MAST2: variants seen among roughly 807,000 people sequenced by gnomAD.
The protein encoded by MAST2 is microtubule associated serine/threonine kinase 2.
MAST2 carries 70 observed loss-of-function variants against 147.4 expected under a neutral mutation model. That is an observed-to-expected ratio of 0.47 (90% CI 0.39 to 0.58). The LOEUF (loss-of-function observed/expected upper bound fraction) is 0.58, where lower values mean the gene tolerates loss of function less well. MAST2 is among the 20% of genes least tolerant of loss of function. MAST2 has a pLI of 0.00. For missense variants in MAST2, 2,080 were observed against 2,302.3 expected, an observed-to-expected ratio of 0.90 and a Z score of 1.98; for synonymous variants, 869 against 896.8, an observed-to-expected ratio of 0.97 and a Z score of 0.55.
At chr1:45,886,705 G>C (rs573901050) in intron 4 of MAST2, among the ~76,000 whole-genome samples, 4 of 152,134 alleles carry the variant, frequency 2.6e-5, no homozygotes, top group African/African-American at 7.2e-5. Flanking sequence ...AGGCTAGAAG[G>C]GTTTTATATT....
At chr1:45,986,150 G>A (rs1025688508) in intron 5 of MAST2, among the ~76,000 whole-genome samples, 5 of 152,138 alleles carry the variant, frequency 3.3e-5, no homozygotes, top group Non-Finnish European at 7.3e-5. Flanking sequence ...ATTAACTGTG[G>A]TGTTAGCTCT....
intron 5 of MAST2, among the ~76,000 whole-genome samples, chr1:45,992,036 C>T (rs1251683734): frequency 2.0e-5 from 3 of 152,116 alleles, no homozygotes; most frequent in Non-Finnish European, 4.4e-5. Context: ...GTCGTCTTTT[C>T]TTGCCTTATT....
chr1:45,940,184 G>C (rs937234832), intron 4 of MAST2, among the ~76,000 whole-genome samples: 5 of 150,626 alleles, frequency 3.3e-5, no homozygotes, highest in African/African-American at 1.2e-4. Flanking sequence ...GTAGACATGG[G>C]GTTTTGCCGT....
At chr1:45,869,983 G>A (rs1203204523) in intron 3 of MAST2, among the ~76,000 whole-genome samples, 2 of 152,114 alleles carry the variant, frequency 1.3e-5, no homozygotes, top group African/African-American at 4.8e-5. Context: ...GAGTGCAATG[G>A]TGCAATCTTG....
intron 3 of MAST2, among the ~76,000 whole-genome samples, chr1:45,851,335 T>G (rs1034264434): frequency 8.5e-5 from 13 of 152,220 alleles, no homozygotes; most frequent in African/African-American, 3.1e-4. Flanking sequence ...ATCTTAAAAC[T>G]GGGAAGCCAT....
intron 3 of MAST2, among the ~76,000 whole-genome samples, chr1:45,861,378 C>T (rs1379121698): frequency 6.6e-6 from 1 of 151,904 alleles, no homozygotes; most frequent in East Asian, 1.9e-4. Flanking sequence ...ACTTTTTGTT[C>T]AGCGTATTTT....
rs748477750 is a variant in MAST2 at position 46,027,844 on chromosome 1, G to A, written c.2033G>A (p.Arg678Gln). The A allele has an allele frequency of 9.4e-5, 152 of 1,613,946 alleles. No individual in the cohort carries two copies. Among genetic ancestry groups the A allele is most frequent in the Middle Eastern group, 1.6e-4 (1 of 6,082 alleles). Residue 678 changes from arginine to glutamine, a missense_variant, in exon 17 of 29, where the codon CGG becomes CAG. Physicochemically the swap from Arg to Gln is conservative, Grantham distance 43. Coordinates refer to ENST00000361297, the MANE Select transcript of MAST2 (RefSeq NM_015112.3). Reference protein sequence around the residue: ...LYEGHIEKDAREFLDKQVCGT... With the variant: ...LYEGHIEKDAQEFLDKQVCGT... Reference sequence around the variant, plus strand: ...GAGGGTCATATTGAAAAGGATGCCCGGGAATTCCTGGACAAGCAGGTAAGG... The same window carrying A: ...GAGGGTCATATTGAAAAGGATGCCCAGGAATTCCTGGACAAGCAGGTAAGG...
chr1:45,990,629 C>T (rs574081125), intron 5 of MAST2, among the ~76,000 whole-genome samples: 12 of 152,068 alleles, frequency 7.9e-5, no homozygotes, highest in East Asian at 1.9e-4. Flanking sequence ...AGACCAGGTG[C>T]GTTAGGCTGC....
intron 2 of MAST2, among the ~76,000 whole-genome samples, chr1:45,829,036 A>G (rs1312691776): frequency 1.3e-5 from 2 of 152,266 alleles, no homozygotes; most frequent in African/African-American, 4.8e-5. Context: ...AACTGAGCAC[A>G]TGGAGTCTAG....
intron 1 of MAST2, 24 bp downstream of exon 1, chr1:45,804,096 G>A (rs1644067277): frequency 1.6e-6 from 2 of 1,276,550 alleles, no homozygotes; most frequent in Non-Finnish European, 2.0e-6. Context: ...GGATCCGGGA[G>A]GGTGAACCTG....
intron 3 of MAST2, among the ~76,000 whole-genome samples, chr1:45,835,951 A>G (rs1490245084): frequency 6.6e-6 from 1 of 152,020 alleles, no homozygotes; most frequent in Non-Finnish European, 1.5e-5. Context: ...TTCCTTTTTT[A>G]TGGCTGAATA....
Position 46,007,986 on chromosome 1 carries a change from A to T in MAST2, c.903-310A>T, listed in dbSNP as rs575273139. Among the ~76,000 whole-genome samples, 5 of 152,274 alleles carry T rather than the reference A, an allele frequency of 3.3e-5. No individual in the cohort carries two copies. In the East Asian group the frequency reaches 7.7e-4, roughly 23 times the overall value. ...GACCAAAACTAAGAAGACACAGAGA[A>T]TCCTACTCCAGGGGAGTTTATCCTG... On this transcript the variant is annotated intron_variant, in intron 8 of 28. Coordinates refer to ENST00000361297, the MANE Select transcript of MAST2 (RefSeq NM_015112.3).
At chr1:45,939,688 C>T (rs1233106810) in intron 4 of MAST2, among the ~76,000 whole-genome samples, 2 of 152,000 alleles carry the variant, frequency 1.3e-5, no homozygotes, top group African/African-American at 2.4e-5. Flanking sequence ...TACAGGCATG[C>T]ACCACCACAC....
At chr1:45,946,261 CA>C (rs1366806773) in intron 4 of MAST2, among the ~76,000 whole-genome samples, 1 of 152,078 alleles carries the variant, frequency 6.6e-6, no homozygotes, top group Admixed American at 6.5e-5. Flanking sequence ...TAATCAAAGA[CA>C]GAATTATCTT....
At chr1:45,992,112 C>T (rs1644877434) in intron 5 of MAST2, among the ~76,000 whole-genome samples, 2 of 152,118 alleles carry the variant, frequency 1.3e-5, no homozygotes, top group South Asian at 4.1e-4. Flanking sequence ...TGCCTTGTTC[C>T]TGTTCTTGGA....
At chr1:46,028,002 A>T in intron 17 of MAST2, 139 bp downstream of exon 17, 1 of 956,342 alleles carries the variant, frequency 1.0e-6, no homozygotes, top group Non-Finnish European at 1.6e-6. Flanking sequence ...ACATAGTGAG[A>T]CCCCATCTCT....
chr1:45,809,729 A>T (rs6676982), intron 1 of MAST2, among the ~76,000 whole-genome samples: 51,682 of 152,092 alleles, frequency 0.34, 9,197 homozygotes, highest in African/African-American at 0.44. Flanking sequence ...ATGGGATCCT[A>T]GGAGGATCCT....
intron 5 of MAST2, among the ~76,000 whole-genome samples, chr1:45,989,991 T>C (rs2149110119): frequency 6.6e-6 from 1 of 152,366 alleles, no homozygotes; most frequent in South Asian, 2.1e-4. Context: ...TTGAAGGACA[T>C]CTTGGTTGCT....
intron 4 of MAST2, among the ~76,000 whole-genome samples, chr1:45,957,503 G>A (rs909197413): frequency 2.0e-5 from 3 of 152,124 alleles, no homozygotes; most frequent in East Asian, 1.9e-4. Flanking sequence ...CCAACTGTAC[G>A]TGTTCTTCTT....
Sources: allele counts gnomAD v4.1 joint callset (sites outside exome capture counted in the v4.1 genomes callset), GRCh38; gene constraint gnomAD v4.1.1; transcripts MANE v1.5; gene names NCBI Gene and HGNC (gene_info 2026-07-23, HGNC 2026-07-21).